PTPRK: variants seen among roughly 807,000 people sequenced by gnomAD.
The protein encoded by PTPRK is receptor-type tyrosine-protein phosphatase kappa.
Under a neutral mutation model 178.0 loss-of-function variants are expected in PTPRK, and 75 were observed. The observed-to-expected ratio is 0.42, with a 90% confidence interval of 0.35 to 0.51. PTPRK has a LOEUF of 0.51. Ranked by LOEUF, PTPRK falls within the 20% of genes least tolerant of loss-of-function variation. PTPRK has a pLI of 0.02. For missense variants in PTPRK, 1,441 were observed against 1,797.8 expected (o/e 0.80, Z 3.59); for synonymous variants, 637 against 620.6 (o/e 1.03, Z -0.39).
intron 3 of PTPRK, among the ~76,000 whole-genome samples, chr6:128,277,935 C>G (rs1820993734): frequency 6.6e-6 from 1 of 151,986 alleles, no homozygotes; most frequent in Admixed American, 6.6e-5. Context: ...AGAACAAATA[C>G]AGTCCAAATA....
chr6:128,082,575 C>A lies in PTPRK; in HGVS notation c.1639G>T (p.Val547Leu). 5 of 1,612,654 alleles carry A rather than the reference C, an allele frequency of 3.1e-6. No homozygotes were observed. The highest frequency in any genetic ancestry group is 4.2e-6 in the Non-Finnish European group (5 of 1,178,976). ...AVPVAGPPQT[V>L]SNLWNSTHHV... ...TGTGTACTGTTCCATAAATTTGATA[C>A]AGTCTGGGGAGGTCCAGCCACTGGA... The change falls in exon 10 of 30, where the codon GTA becomes TTA. Residue 547 changes from valine (V) to leucine (L), a missense_variant. This residue lies in a region of PTPRK where 945 missense variants were observed against 1,080.6 expected (regional missense o/e 0.87). Transcript: ENST00000368226.
At chr6:128,371,157 C>A (rs2128348852) in intron 2 of PTPRK, among the ~76,000 whole-genome samples, 1 of 152,210 alleles carries the variant, frequency 6.6e-6, no homozygotes, top group African/African-American at 2.4e-5. Context: ...CAAAAAAACT[C>A]AAAAAACACT....
chr6:128,187,576 T>G (rs2114707969), intron 6 of PTPRK, among the ~76,000 whole-genome samples: 1 of 152,302 alleles, frequency 6.6e-6, no homozygotes, highest in African/African-American at 2.4e-5. Context: ...CATATACATT[T>G]TAACACTGAA....
chr6:128,248,163 T>C (rs908944033), intron 3 of PTPRK, among the ~76,000 whole-genome samples: 1 of 152,236 alleles, frequency 6.6e-6, no homozygotes, highest in African/African-American at 2.4e-5. Context: ...TTATCTGTTA[T>C]GACAAGGTGT....
In PTPRK at chr6:128,492,713, T is replaced by C. The variant is rs570092160; in HGVS notation, c.100+27546A>G. Among the ~76,000 whole-genome samples the C allele has an allele frequency of 3.9e-5, 6 of 152,356 alleles. No homozygotes were observed. The East Asian group carries it at 1.2e-3, about 29-fold the overall frequency. On this transcript the variant is annotated intron_variant, in intron 1 of 29. Transcript: ENST00000368226. The stretch of plus-strand genomic sequence containing the variant: ...TCATCTCCTACTACTCTATTGAATA[T>C]AACCCACTCTTCAAGTTGGACTGTT...
At chr6:128,379,039 T>C (rs1837498753) in intron 2 of PTPRK, among the ~76,000 whole-genome samples, 1 of 152,140 alleles carries the variant, frequency 6.6e-6, no homozygotes, top group Admixed American at 6.6e-5. Context: ...AGAAAGAATA[T>C]AATATAGTAC....
In PTPRK at chr6:128,413,989, C is replaced by T. The variant is rs909055577; in HGVS notation, c.101-16301G>A. ...CTAAAAGAAAAGAGAAACTATAGTA[C>T]TGGGATTCTGATAGCTCATGGGTCA... On this transcript the variant is annotated intron_variant, in intron 1 of 29. Transcript: ENST00000368226. 2.6e-5 allele frequency among the ~76,000 whole-genome samples: 4 copies of T among 152,150 alleles called. No individual in the cohort carries two copies. The East Asian group carries it at 7.7e-4, about 29-fold the overall frequency.
intron 5 of PTPRK, chr6:128,231,980 C>T (rs1812376439): frequency 6.6e-6 from 1 of 152,192 alleles, no homozygotes; most frequent in Non-Finnish European, 1.5e-5. Flanking sequence ...ATGGCGCTGT[C>T]CGGAATCAGG....
At chr6:128,032,973 G>A (rs1371073316) in intron 13 of PTPRK, among the ~76,000 whole-genome samples, 1 of 152,118 alleles carries the variant, frequency 6.6e-6, no homozygotes, top group Non-Finnish European at 1.5e-5. Context: ...TACACCCCAA[G>A]CCAGTTCTAA....
intron 7 of PTPRK, among the ~76,000 whole-genome samples, chr6:128,139,256 C>T (rs1795439749): frequency 6.6e-6 from 1 of 151,952 alleles, no homozygotes; most frequent in South Asian, 2.1e-4. Flanking sequence ...TAAACCTCTG[C>T]AGGTTCTGAG....
chr6:128,251,808 A>G (rs947704940), intron 3 of PTPRK, among the ~76,000 whole-genome samples: 4 of 152,334 alleles, frequency 2.6e-5, no homozygotes, highest in East Asian at 3.9e-4. Flanking sequence ...ATTCTTTAAT[A>G]AAACATCAAT....
intron 4 of PTPRK, among the ~76,000 whole-genome samples, chr6:128,241,562 C>T (rs1055233652): frequency 2.6e-5 from 4 of 152,152 alleles, no homozygotes; most frequent in Non-Finnish European, 4.4e-5. Context: ...CCAGAATTCA[C>T]GGGCCCTATA....
At chr6:128,370,764 T>C (rs1209922793) in intron 2 of PTPRK, among the ~76,000 whole-genome samples, 1 of 152,164 alleles carries the variant, frequency 6.6e-6, no homozygotes, top group Admixed American at 6.6e-5. Context: ...ACGCTTAGCT[T>C]ATTACTTCAA....
At chr6:128,485,559 T>A (rs1362951405) in intron 1 of PTPRK, among the ~76,000 whole-genome samples, 1 of 152,202 alleles carries the variant, frequency 6.6e-6, no homozygotes, top group Non-Finnish European at 1.5e-5. Flanking sequence ...GTGTCTCATG[T>A]GTGTTGCTAT....
intron 1 of PTPRK, among the ~76,000 whole-genome samples, chr6:128,493,584 C>T (rs1350073738): frequency 1.3e-4 from 17 of 129,978 alleles, no homozygotes; most frequent in Middle Eastern, 4.0e-3. Flanking sequence ...AAGTACCTCC[C>T]GCCCCCTACA....
intron 3 of PTPRK, among the ~76,000 whole-genome samples, chr6:128,264,388 A>G (rs1219146583): frequency 1.3e-5 from 2 of 152,196 alleles, no homozygotes; most frequent in Non-Finnish European, 2.9e-5. Flanking sequence ...TTTACAGCAA[A>G]TGCAAAAAAC....
At position 128,279,344 on chromosome 6, in the gene PTPRK, A is replaced by T. The variant is rs1159903292; in HGVS notation, c.496-36742T>A. ...TCAGCCCCTAGATTAAGAGAAGTTT[A>T]AAAAAATATTGATTTGTGATGTTTA... On this transcript the variant is annotated intron_variant, in intron 3 of 29. Coordinates refer to ENST00000368226, the MANE Select transcript of PTPRK (RefSeq NM_002844.4). Among the ~76,000 whole-genome samples, 11 of 152,322 alleles carry T rather than the reference A, an allele frequency of 7.2e-5. No homozygotes were observed. The South Asian group carries it at 1.0e-3, about 14-fold the overall frequency.
chr6:128,456,969 C>G (rs1848472584), intron 1 of PTPRK, among the ~76,000 whole-genome samples: 1 of 152,036 alleles, frequency 6.6e-6, no homozygotes, highest in Non-Finnish European at 1.5e-5. Flanking sequence ...AGCTCCCAAC[C>G]CACCCCTGTA....
Position 128,449,524 on chromosome 6 carries a change from AG to A in PTPRK, c.101-51837del, listed in dbSNP as rs1847482647. Among the ~76,000 whole-genome samples the A allele has an allele frequency of 3.9e-5, 6 of 152,334 alleles. No individual in the cohort carries two copies. In the South Asian group the frequency reaches 1.2e-3, roughly 32 times the overall value. Reference sequence around the variant, plus strand: ...AACGGAAACCTGGATAAAAAAATGAAGGGGAAAATACAACAGTAGAAAATCC... The same window carrying A: ...AACGGAAACCTGGATAAAAAAATGAAGGGAAAATACAACAGTAGAAAATCC... On this transcript the variant is annotated intron_variant, in intron 1 of 29. Transcript: ENST00000368226.
Sources: gnomAD v4.1 joint callset for allele counts (sites outside exome capture counted in the v4.1 genomes callset) on GRCh38, gnomAD v4.1.1 for gene constraint, gnomAD v4.1.1 regional missense constraint, MANE v1.5 for transcripts, NCBI Gene and HGNC (gene_info 2026-07-23, HGNC 2026-07-21) for gene names.